Variants in CFAP20DC observed in about 807,000 individuals in gnomAD.
CFAP20DC encodes the protein protein CFAP20DC.
In CFAP20DC, 84 loss-of-function variants were observed where a neutral mutation model predicts 101.7. The ratio of observed to expected loss-of-function variants is 0.83; its 90% confidence interval spans 0.69 to 0.99. The LOEUF is 0.99. CFAP20DC is among the 50% of genes least tolerant of loss of function. The pLI is 0.00. For synonymous variants in CFAP20DC, 359 were observed against 351.2 expected (o/e 1.02, Z -0.25); for missense variants, 1,007 against 970.3 (o/e 1.04, Z -0.50).
intron 15 of CFAP20DC, among the ~76,000 whole-genome samples, chr3:58,754,780 G>C (rs1480850742): frequency 6.6e-6 from 1 of 152,172 alleles, no homozygotes; most frequent in Non-Finnish European, 1.5e-5. Flanking sequence ...GCCAGTTCCA[G>C]CTCCGTGCTT....
intron 7 of CFAP20DC, among the ~76,000 whole-genome samples, chr3:58,873,525 A>G (rs1377366785): frequency 6.9e-6 from 1 of 145,932 alleles, no homozygotes; most frequent in East Asian, 2.2e-4. Context: ...AGAAGTCTGG[A>G]TCAGCTATGC....
At chr3:58,885,469 C>A (rs2108660830) in intron 6 of CFAP20DC, among the ~76,000 whole-genome samples, 1 of 152,010 alleles carries the variant, frequency 6.6e-6, no homozygotes, top group Non-Finnish European at 1.5e-5. Context: ...ATTTATCATT[C>A]CTTTTTGGTG....
At chr3:58,907,957 AG>A (rs2083771293) in intron 6 of CFAP20DC, among the ~76,000 whole-genome samples, 2 of 152,180 alleles carry the variant, frequency 1.3e-5, no homozygotes, top group South Asian at 2.1e-4. Context: ...GTTTCTTTTC[AG>A]GCCTTCCAAA....
intron 3 of CFAP20DC, among the ~76,000 whole-genome samples, chr3:59,041,128 G>T (rs949826094): frequency 3.9e-5 from 6 of 151,960 alleles, no homozygotes; most frequent in African/African-American, 1.4e-4. Context: ...TTTTTCCATT[G>T]CACAATGGCC....
chr3:58,774,533 C>T (rs994327108), intron 15 of CFAP20DC, among the ~76,000 whole-genome samples: 7 of 152,152 alleles, frequency 4.6e-5, no homozygotes, highest in African/African-American at 1.4e-4. Context: ...AATCAACTAC[C>T]TGGAAAGATC....
At chr3:58,796,305 C>G (rs1393361745) in intron 15 of CFAP20DC, among the ~76,000 whole-genome samples, 1 of 152,086 alleles carries the variant, frequency 6.6e-6, no homozygotes, top group Non-Finnish European at 1.5e-5. Context: ...AATAGTGCCC[C>G]CTGGAGTTGT....
At chr3:58,787,488 A>AT (rs2072459930) in intron 15 of CFAP20DC, among the ~76,000 whole-genome samples, 1 of 152,126 alleles carries the variant, frequency 6.6e-6, no homozygotes, top group Non-Finnish European at 1.5e-5. Context: ...TTAAAGTATA[A>AT]TAAAAAAGAA....
chr3:58,938,869 C>T (rs917817883), intron 4 of CFAP20DC, among the ~76,000 whole-genome samples: 1 of 152,166 alleles, frequency 6.6e-6, no homozygotes, highest in Non-Finnish European at 1.5e-5. Context: ...TTCCACCCTA[C>T]TTGCACTAAA....
At chr3:59,046,080 G>A (rs1699834830) in intron 3 of CFAP20DC, 149 bp downstream of exon 3, 1 of 596,666 alleles carries the variant, frequency 1.7e-6, no homozygotes, top group Non-Finnish European at 2.9e-6. Flanking sequence ...GCCTAGCATA[G>A]TTAGTTGCCC....
At position 58,961,554 on chromosome 3, in the gene CFAP20DC, A is replaced by AAAAAC. The variant is rs1553746001; in HGVS notation, c.279-23793_279-23792insGTTTT. ...GGGCAACAAGAACAAGACTGTCTCA[A>AAAAAC]AAAAACAAAAACAAAAACAAAAACT... On this transcript the variant is annotated intron_variant, in intron 4 of 16. Transcript: ENST00000482387. Among the ~76,000 whole-genome samples, 4 of 135,490 alleles carry AAAAAC rather than the reference A, an allele frequency of 3.0e-5. No homozygotes were observed. In the East Asian group the frequency reaches 2.0e-3, roughly 67 times the overall value. 88.9% of individuals were successfully genotyped at this position (135,490 alleles called of 152,430 possible).
chr3:58,995,752 A>G (rs1410606943), intron 4 of CFAP20DC, among the ~76,000 whole-genome samples: 1 of 152,200 alleles, frequency 6.6e-6, no homozygotes, highest in African/African-American at 2.4e-5. Context: ...ATGGTGGAGT[A>G]AGGGAGAATT....
At chr3:58,848,416 T>G (rs1320454403) in intron 13 of CFAP20DC, among the ~76,000 whole-genome samples, 1 of 152,174 alleles carries the variant, frequency 6.6e-6, no homozygotes, top group Non-Finnish European at 1.5e-5. Flanking sequence ...ACATGTCATT[T>G]GTTATGCATA....
At chr3:58,915,543 A>C (rs1271899815) in intron 5 of CFAP20DC, among the ~76,000 whole-genome samples, 1 of 152,018 alleles carries the variant, frequency 6.6e-6, no homozygotes, top group African/African-American at 2.4e-5. Context: ...AGTACCTATC[A>C]TGTGTTAGAC....
At chr3:58,731,126 A>G (rs1290410900) in intron 3 of CFAP20DC, among the ~76,000 whole-genome samples, 2 of 152,240 alleles carry the variant, frequency 1.3e-5, no homozygotes, top group Non-Finnish European at 2.9e-5. Flanking sequence ...TAGCAAAGAT[A>G]ATTTTCTGAA....
chr3:58,865,542 G>A (rs1375199597), intron 11 of CFAP20DC, among the ~76,000 whole-genome samples: 1 of 152,100 alleles, frequency 6.6e-6, no homozygotes, highest in South Asian at 2.1e-4. Context: ...GGGGCATATG[G>A]TCCTGAGTCA....
chr3:58,878,574 C>T (rs2080953927), intron 7 of CFAP20DC, among the ~76,000 whole-genome samples: 1 of 152,082 alleles, frequency 6.6e-6, no homozygotes, highest in Non-Finnish European at 1.5e-5. Context: ...ACTAGCACAG[C>T]TTATTTACAA....
rs17059928 is a variant in CFAP20DC, at chr3:58,882,935, T to C, written c.715+1610A>G. Among the ~76,000 whole-genome samples the C allele has an allele frequency of 6.6e-6, 1 of 152,200 alleles. No homozygotes were observed. Among genetic ancestry groups the C allele is most frequent in the African/African-American group, 2.4e-5 (1 of 41,446 alleles). On this transcript the variant is annotated intron_variant, in intron 7 of 16. Coordinates refer to ENST00000482387, the MANE Select transcript of CFAP20DC (RefSeq NM_001394063.1). This position sits in a 1 kb window ranked among gnomAD's most constrained non-coding sequence, Gnocchi z 4.2. ...TGTACTGCTTATTTATACATAGTCA[T>C]CTGCAGGATTTATACTGAAAAGGTT...
At chr3:58,972,843 G>A (rs1171205518) in intron 4 of CFAP20DC, among the ~76,000 whole-genome samples, 1 of 152,158 alleles carries the variant, frequency 6.6e-6, no homozygotes. Context: ...AGAAGGCACA[G>A]TCTATTAGTC....
intron 4 of CFAP20DC, among the ~76,000 whole-genome samples, chr3:58,997,343 G>A (rs1179492969): frequency 6.6e-6 from 1 of 152,164 alleles, no homozygotes; most frequent in African/African-American, 2.4e-5. Context: ...AGTAAGTAAT[G>A]AGCTGGGATC....
Sources: allele counts gnomAD v4.1 joint callset (sites outside exome capture counted in the v4.1 genomes callset), GRCh38; gene constraint gnomAD v4.1.1; non-coding constraint Gnocchi (gnomAD v3.1); transcripts MANE v1.5; gene names NCBI Gene and HGNC (gene_info 2026-07-23, HGNC 2026-07-21).